TENM4: variants seen among roughly 807,000 people sequenced by gnomAD.
TENM4 encodes teneurin transmembrane protein 4, also known as teneurin-4.
A neutral mutation model predicts 243.3 loss-of-function variants in TENM4; 82 were observed. The ratio of observed to expected loss-of-function variants is 0.34; its 90% CI spans 0.28 to 0.40. TENM4 has a LOEUF of 0.40. Ranked by LOEUF, TENM4 falls within the 10% of genes least tolerant of loss-of-function variation. The pLI is 1.00. For synonymous variants in TENM4, 1,412 were observed against 1,456.3 expected (o/e 0.97, Z 0.69); for missense variants, 3,138 against 3,673.3 (o/e 0.85, Z 3.77).
At chr11:79,263,693 C>T (rs895954970) in intron 2 of TENM4, among the ~76,000 whole-genome samples, 3 of 152,170 alleles carry the variant, frequency 2.0e-5, no homozygotes, top group African/African-American at 7.2e-5. Flanking sequence ...AAGTAGTAAA[C>T]ATGATTAGTT....
intron 20 of TENM4, among the ~76,000 whole-genome samples, chr11:78,736,477 T>TGC (rs1555073138): frequency 0.014 from 1,407 of 102,072 alleles, 24 homozygotes; most frequent in African/African-American, 0.045. Context: ...TGTGTGTGTG[T>TGC]GTGCGCGCGC....
intron 6 of TENM4, among the ~76,000 whole-genome samples, chr11:78,961,986 G>A (rs1390590703): frequency 6.6e-6 from 1 of 152,148 alleles, no homozygotes; most frequent in African/African-American, 2.4e-5. Flanking sequence ...CAAGAGCGGG[G>A]CTGCCTGAGC....
At chr11:79,254,804 T>C (rs1855673019) in intron 2 of TENM4, among the ~76,000 whole-genome samples, 1 of 152,172 alleles carries the variant, frequency 6.6e-6, no homozygotes, top group Non-Finnish European at 1.5e-5. Flanking sequence ...GAAGGAAAGA[T>C]AGTGTCAATC....
In TENM4 at chr11:79,409,570, G is replaced by A. The variant is rs189328138; in HGVS notation, c.-321+30939C>T. Among the ~76,000 whole-genome samples the A allele has an allele frequency of 9.9e-4, 151 of 152,226 alleles. 1 individual carries two copies. In the Middle Eastern group the frequency reaches 0.01, roughly 10 times the overall value. ...AGGAGGGTGGAAGAATAGCCCCCCC[G>A]GAACCATTCTGGCTGCTCCATAGCT... On this transcript the variant is annotated intron_variant, in intron 1 of 33. Coordinates refer to ENST00000278550, the MANE Select transcript of TENM4 (RefSeq NM_001098816.3).
At chr11:79,094,366 G>A (rs1008582353) in intron 4 of TENM4, among the ~76,000 whole-genome samples, 4 of 152,176 alleles carry the variant, frequency 2.6e-5, no homozygotes, top group African/African-American at 7.2e-5. Context: ...GACTGATGAA[G>A]ACACGGAGCT....
In TENM4 at chr11:79,050,755, A is replaced by G. The variant is rs765598796; in HGVS notation, c.493+13983T>C. Among the ~76,000 whole-genome samples the G allele has an allele frequency of 1.5e-4, 23 of 152,368 alleles. 1 individual carries two copies. In the Middle Eastern group the frequency reaches 0.017, roughly 113 times the overall value. ...CAGGCTGCTGAGCAATGGCAGAAAG[A>G]AAATCCCTCTTCGGTGTTTGGGACC... is the stretch of plus-strand genomic sequence containing the variant. On this transcript the variant is annotated intron_variant, in intron 6 of 33. Coordinates refer to ENST00000278550, the MANE Select transcript of TENM4 (RefSeq NM_001098816.3).
chr11:78,770,736 T>C (rs1168779381), intron 18 of TENM4, among the ~76,000 whole-genome samples: 1 of 152,278 alleles, frequency 6.6e-6, no homozygotes, highest in East Asian at 1.9e-4. Flanking sequence ...CTTTCTTCCA[T>C]ATGCCTTCTC....
intron 6 of TENM4, among the ~76,000 whole-genome samples, chr11:78,912,924 C>T (rs1856224231): frequency 6.6e-6 from 1 of 152,226 alleles, no homozygotes; most frequent in Admixed American, 6.5e-5. Context: ...CATTCTTGCG[C>T]TTATCCCAAT....
chr11:78,781,361 T>C lies in TENM4; in HGVS notation c.2366-2733A>G, dbSNP rs2136021025. 3.9e-5 allele frequency among the ~76,000 whole-genome samples: 6 copies of C among 152,350 alleles called. No homozygotes were observed. In the South Asian group the frequency reaches 1.2e-3, roughly 32 times the overall value. On this transcript the variant is annotated intron_variant, in intron 16 of 33. Transcript: ENST00000278550. ...TTTTCTCTTGGGCAACGCTTGTTTC[T>C]TTGGCATTGTACAAATGTTTCTCAT...
chr11:78,880,457 TAAAAAAAAAAAAAAAAAAAA>T (rs71763484), intron 9 of TENM4, among the ~76,000 whole-genome samples: 70,060 of 107,746 alleles, frequency 0.65, 21,551 homozygotes, highest in East Asian at 0.82. Flanking sequence ...CAATAAATAC[TAAAAAAAAAAAAAAAAAAAA>T]AAAAAAAAAA....
chr11:79,348,995 G>T (rs1199005118), intron 1 of TENM4, among the ~76,000 whole-genome samples: 1 of 152,170 alleles, frequency 6.6e-6, no homozygotes, highest in African/African-American at 2.4e-5. Context: ...GCTAGAGCTG[G>T]AAGGGATCTT....
rs368639969 is a variant in TENM4 at position 78,847,159 on chromosome 11, C to A, written c.1681+6945G>T. On this transcript the variant is annotated intron_variant, in intron 12 of 33. Coordinates refer to ENST00000278550, the MANE Select transcript of TENM4 (RefSeq NM_001098816.3). Reference sequence around the variant, plus strand: ...CCATCTCCTAGACAAAAAGTGTGCACCAGAACATCAAAACTCTACTTAAAT... The same window carrying A: ...CCATCTCCTAGACAAAAAGTGTGCAACAGAACATCAAAACTCTACTTAAAT... Among the ~76,000 whole-genome samples, 11 of 152,288 alleles carry A rather than the reference C, an allele frequency of 7.2e-5. No individual in the cohort carries two copies. The East Asian group carries it at 1.4e-3, about 19-fold the overall frequency.
chr11:78,903,300 C>A lies in TENM4; in HGVS notation c.717G>T (p.Trp239Cys). The change falls in exon 7 of 34, where the codon TGG becomes TGT. Residue 239 changes from tryptophan to cysteine, a missense_variant. By Grantham distance (215) the Trp-to-Cys change is radical. Transcript: ENST00000278550. ...AQEPAHAQENWLLNSNIPLET... is the reference protein window; with the variant it reads ...AQEPAHAQENCLLNSNIPLET... ...CCAGGGGGATGTTGCTGTTGAGCAGCCAGTTCTCCTGGGCGTGGGCAGGCT... is the reference window on the plus strand; with the variant it reads ...CCAGGGGGATGTTGCTGTTGAGCAGACAGTTCTCCTGGGCGTGGGCAGGCT... 7 of 1,487,916 alleles carry A rather than the reference C, an allele frequency of 4.7e-6. No individual in the cohort carries two copies. The highest frequency in any genetic ancestry group is 1.3e-5 in the South Asian group (1 of 75,872). 92.2% of individuals were successfully genotyped at this position (1,487,916 alleles called of 1,614,324 possible).
chr11:79,164,873 G>A (rs931283422), intron 3 of TENM4, among the ~76,000 whole-genome samples: 7 of 151,280 alleles, frequency 4.6e-5, no homozygotes, highest in African/African-American at 9.7e-5. Context: ...CATGTGGAAC[G>A]GTAAGTCCAA....
intron 3 of TENM4, among the ~76,000 whole-genome samples, chr11:79,167,955 C>A (rs1030683980): frequency 1.3e-5 from 2 of 152,216 alleles, no homozygotes; most frequent in Non-Finnish European, 2.9e-5. Context: ...ACACTGACAC[C>A]CACATCATTA....
intron 19 of TENM4, among the ~76,000 whole-genome samples, chr11:78,749,982 T>C (rs556814529): frequency 5.3e-4 from 81 of 152,292 alleles, no homozygotes; most frequent in African/African-American, 1.9e-3. Context: ...AAGCCCATCT[T>C]GATTTCAAAT....
At chr11:79,125,787 T>C (rs982513065) in intron 4 of TENM4, among the ~76,000 whole-genome samples, 1 of 152,090 alleles carries the variant, frequency 6.6e-6, no homozygotes, top group Non-Finnish European at 1.5e-5. Flanking sequence ...GGCAAGATAA[T>C]GTTGACTCTC....
At chr11:79,004,970 A>T (rs1489639607) in intron 6 of TENM4, among the ~76,000 whole-genome samples, 1 of 148,836 alleles carries the variant, frequency 6.7e-6, no homozygotes, top group Non-Finnish European at 1.5e-5. Context: ...AACAACTCTG[A>T]CTACTATGAA....
intron 6 of TENM4, among the ~76,000 whole-genome samples, chr11:78,931,678 G>A (rs1856672508): frequency 6.6e-6 from 1 of 152,206 alleles, no homozygotes; most frequent in African/African-American, 2.4e-5. Flanking sequence ...GGCTCACTAA[G>A]CTGCTATGGG....
Sources: gnomAD v4.1 joint callset for allele counts (sites outside exome capture counted in the v4.1 genomes callset) on GRCh38, gnomAD v4.1.1 for gene constraint, MANE v1.5 for transcripts, NCBI Gene and HGNC (gene_info 2026-07-23, HGNC 2026-07-21) for gene names.